Variants in PLCXD3 observed in about 807,000 individuals in gnomAD.
PLCXD3 encodes PI-PLC X domain-containing protein 3.
Under a neutral mutation model 25.5 loss-of-function variants are expected in PLCXD3, and 19 were observed. That is an observed-to-expected ratio of 0.75 (90% CI 0.52 to 1.09). The LOEUF (loss-of-function observed/expected upper bound fraction) is 1.09. Among genes scored for constraint, PLCXD3 ranks in the 50% least tolerant of loss-of-function variants. PLCXD3 has a pLI of 0.00. For missense variants in PLCXD3, 411 were observed against 388.1 expected (o/e 1.06, Z -0.50); for synonymous variants, 174 against 137.6 (o/e 1.26, Z -1.85).
chr5:41,326,662 G>A (rs2150472060), intron 2 of PLCXD3, among the ~76,000 whole-genome samples: 1 of 152,028 alleles, frequency 6.6e-6, no homozygotes, highest in Middle Eastern at 3.4e-3. Context: ...TTTGGCCTGG[G>A]CATTATCTCA....
intron 2 of PLCXD3, 63 bp downstream of exon 2, chr5:41,381,763 T>G: frequency 3.9e-5 from 57 of 1,454,224 alleles, no homozygotes; most frequent in East Asian, 1.4e-4. Flanking sequence ...TCATCACTTA[T>G]GAGCTCTATA....
chr5:41,387,245 C>G (rs1462103335), intron 1 of PLCXD3, among the ~76,000 whole-genome samples: 1 of 152,046 alleles, frequency 6.6e-6, no homozygotes, highest in East Asian at 1.9e-4. Flanking sequence ...AACCAGCAAG[C>G]TTGCAAAAGG....
intron 1 of PLCXD3, among the ~76,000 whole-genome samples, chr5:41,393,229 A>G (rs188338198): frequency 1.4e-4 from 21 of 152,338 alleles, no homozygotes; most frequent in African/African-American, 4.8e-4. Flanking sequence ...TAAAAAACTA[A>G]GCAGACTTAA....
chr5:41,399,552 T>G, intron 1 of PLCXD3, among the ~76,000 whole-genome samples: 1 of 151,984 alleles, frequency 6.6e-6, no homozygotes, highest in Non-Finnish European at 1.5e-5. Context: ...ACTCCCACAT[T>G]AAACTCAGTT....
intron 1 of PLCXD3, among the ~76,000 whole-genome samples, chr5:41,432,305 C>G (rs149443760): frequency 0.01 from 1,554 of 152,304 alleles, 36 homozygotes; most frequent in African/African-American, 0.034. Context: ...GAGCTTCTTT[C>G]TAAATGCACT....
At chr5:41,395,994 C>T (rs1455443534) in intron 1 of PLCXD3, among the ~76,000 whole-genome samples, 3 of 132,896 alleles carry the variant, frequency 2.3e-5, no homozygotes, top group African/African-American at 6.2e-5. Flanking sequence ...GACAAAGGCC[C>T]ATCAAAGAAA....
At chr5:41,457,774 G>A (rs768753397) in intron 1 of PLCXD3, among the ~76,000 whole-genome samples, 7 of 151,868 alleles carry the variant, frequency 4.6e-5, no homozygotes, top group South Asian at 2.1e-4. Flanking sequence ...CAGGTCACCC[G>A]TTAGAACAGG....
intron 1 of PLCXD3, among the ~76,000 whole-genome samples, chr5:41,432,290 T>C (rs1747130453): frequency 6.6e-6 from 1 of 152,248 alleles, no homozygotes; most frequent in South Asian, 2.1e-4. Flanking sequence ...ATACTTGTGC[T>C]AATCGAGCTT....
intron 2 of PLCXD3, among the ~76,000 whole-genome samples, chr5:41,354,389 G>A (rs1221508831): frequency 6.6e-6 from 1 of 152,072 alleles, no homozygotes. Flanking sequence ...TTCAGTGAAT[G>A]GCATCAGAAG....
intron 1 of PLCXD3, among the ~76,000 whole-genome samples, chr5:41,403,398 G>GTTTTTTTTGTTTGATTGTTTTGTTT: frequency 2.9e-5 from 1 of 33,998 alleles, no homozygotes; most frequent in African/African-American, 1.1e-4. Flanking sequence ...TGACTTATTT[G>GTTTTTTTTGTTTGATTGTTTTGTTT]TTGTTTTTTT....
At chr5:41,317,576 C>T (rs1743339649) in intron 2 of PLCXD3, among the ~76,000 whole-genome samples, 1 of 151,924 alleles carries the variant, frequency 6.6e-6, no homozygotes, top group South Asian at 2.1e-4. Context: ...AGACAAAGAA[C>T]TCAAAGTAGC....
At chr5:41,418,035 A>C (rs1746733399) in intron 1 of PLCXD3, among the ~76,000 whole-genome samples, 1 of 152,226 alleles carries the variant, frequency 6.6e-6, no homozygotes, top group African/African-American at 2.4e-5. Context: ...CTATCAAATA[A>C]TCCAACAAAA....
At chr5:41,506,993 G>C (rs1749063261) in intron 1 of PLCXD3, among the ~76,000 whole-genome samples, 1 of 152,132 alleles carries the variant, frequency 6.6e-6, no homozygotes, top group South Asian at 2.1e-4. Context: ...ATGCAAAGCA[G>C]ACCCCTCCCA....
rs183805576 is a variant in PLCXD3 at position 41,458,280 on chromosome 5, G to T, written c.103+52144C>A. On this transcript the variant is annotated intron_variant, in intron 1 of 2. Transcript: ENST00000377801. ...CATAATTAAAGAACAGAATATAGAA[G>T]GAATAAAAAACATACTGAACAGCCC... is the stretch of plus-strand genomic sequence containing the variant. 2.8e-3 allele frequency among the ~76,000 whole-genome samples: 422 copies of T among 150,954 alleles called. 2 individuals are homozygous for T. Among genetic ancestry groups the T allele is most frequent in the Admixed American group, 5.3e-3 (80 of 15,128 alleles).
At chr5:41,371,917 C>G (rs895799064) in intron 2 of PLCXD3, among the ~76,000 whole-genome samples, 1 of 152,156 alleles carries the variant, frequency 6.6e-6, no homozygotes, top group African/African-American at 2.4e-5. Flanking sequence ...ACACCTTTTA[C>G]TCATTCATCT....
At chr5:41,351,251 C>G (rs1477019764) in intron 2 of PLCXD3, among the ~76,000 whole-genome samples, 1 of 152,030 alleles carries the variant, frequency 6.6e-6, no homozygotes, top group Non-Finnish European at 1.5e-5. Flanking sequence ...TTCATCATGC[C>G]ACACACCTTT....
chr5:41,411,268 CACA>C (rs1561265457), intron 1 of PLCXD3, among the ~76,000 whole-genome samples: 2 of 152,276 alleles, frequency 1.3e-5, no homozygotes, highest in South Asian at 2.1e-4. Flanking sequence ...TCTGAAATAA[CACA>C]ACATTACCCT....
chr5:41,345,295 T>C (rs1378187913), intron 2 of PLCXD3, among the ~76,000 whole-genome samples: 1 of 152,198 alleles, frequency 6.6e-6, no homozygotes, highest in Non-Finnish European at 1.5e-5. Flanking sequence ...AACCCTCTTA[T>C]TGGATAGATG....
chr5:41,322,388 T>C (rs1223641983), intron 2 of PLCXD3, among the ~76,000 whole-genome samples: 1 of 152,182 alleles, frequency 6.6e-6, no homozygotes, highest in Non-Finnish European at 1.5e-5. Context: ...AAATGGTTTA[T>C]ATCCAGAAAC....
Sources: gnomAD v4.1 joint callset for allele counts (sites outside exome capture counted in the v4.1 genomes callset) on GRCh38, gnomAD v4.1.1 for gene constraint, MANE v1.5 for transcripts, NCBI Gene and HGNC (gene_info 2026-07-23, HGNC 2026-07-21) for gene names.